Variants in STARD3 observed in about 807,000 individuals in gnomAD.
The protein encoded by STARD3 is stAR-related lipid transfer protein 3.
Under a neutral mutation model 62.0 loss-of-function variants are expected in STARD3, and 39 were observed. The ratio of observed to expected loss-of-function variants is 0.63; its 90% CI spans 0.49 to 0.82. The LOEUF (loss-of-function observed/expected upper bound fraction) is 0.82. STARD3 is among the 40% of genes least tolerant of loss of function. The probability of loss-of-function intolerance (pLI) is 0.00; values close to 1 mark genes in which losing one functional copy is unlikely to be tolerated. For synonymous variants in STARD3, 229 were observed against 242.4 expected, an observed-to-expected ratio of 0.94 and a Z score of 0.51; for missense variants, 543 against 584.5, an observed-to-expected ratio of 0.93 and a Z score of 0.73.
rs145033936 is a variant in STARD3, at chr17:39,651,586, C to T, written c.-51-1895C>T. 5.9e-5 allele frequency among the ~76,000 whole-genome samples: 9 copies of T among 151,992 alleles called. No individual in the cohort carries two copies. In the South Asian group the frequency reaches 6.2e-4, roughly 11 times the overall value. The stretch of plus-strand genomic sequence containing the variant: ...CTCTGACTTTCTTTTTTTTTTGAGA[C>T]GGAGTCTCGCTCTGTCACCCAGGCT... On this transcript the variant is annotated intron_variant, in intron 1 of 14. Coordinates refer to ENST00000336308, the MANE Select transcript of STARD3 (RefSeq NM_006804.4).
At chr17:39,638,368 C>A (rs1433380193) in intron 1 of STARD3, among the ~76,000 whole-genome samples, 4 of 152,170 alleles carry the variant, frequency 2.6e-5, no homozygotes, top group Non-Finnish European at 5.9e-5. Context: ...GTGCTGAACC[C>A]CTAGCACAAT....
At chr17:39,658,050 G>T in intron 5 of STARD3, 24 bp downstream of exon 5, 1 of 1,553,428 alleles carries the variant, frequency 6.4e-7, no homozygotes, top group Non-Finnish European at 8.7e-7. Context: ...GGTCTGGCCA[G>T]TCTGGTGGGC....
intron 5 of STARD3, 62 bp downstream of exon 5, chr17:39,658,088 G>C: frequency 6.6e-7 from 1 of 1,506,908 alleles, no homozygotes; most frequent in Admixed American, 2.0e-5. Context: ...TGCTTCTAGA[G>C]AGGAGCATTT....
chr17:39,651,330 G>GC (rs1463774557), intron 1 of STARD3, among the ~76,000 whole-genome samples: 1 of 152,242 alleles, frequency 6.6e-6, no homozygotes, highest in East Asian at 1.9e-4. Context: ...AGACTGAGGG[G>GC]CCCAGGAAGG....
Position 39,659,761 on chromosome 17 carries a change from C to T in STARD3, c.795+208C>T, listed in dbSNP as rs1028133752. ...CTTGGCCCCCCTTCCCCGCACCCCCCATGTTTACTTCCCTGCTGTTCTGCC... is the reference window on the plus strand; with the variant it reads ...CTTGGCCCCCCTTCCCCGCACCCCCTATGTTTACTTCCCTGCTGTTCTGCC... On this transcript the variant is annotated intron_variant, in intron 9 of 14. Coordinates refer to ENST00000336308, the MANE Select transcript of STARD3 (RefSeq NM_006804.4). The T allele has an allele frequency of 5.3e-6, 3 of 569,744 alleles. No homozygotes were observed. In the African/African-American group the frequency reaches 5.7e-5, roughly 11 times the overall value. The allele number at this position is 569,744 out of a possible 1,614,324, so 35.3% of individuals were successfully genotyped here.
At chr17:39,661,173 A>C (rs2057193925) in intron 13 of STARD3, 88 bp downstream of exon 13, 1 of 1,226,058 alleles carries the variant, frequency 8.2e-7, no homozygotes. Flanking sequence ...ACAGCTGGGC[A>C]CTTCCCCTGC....
At chr17:39,656,288 C>T (rs2144999667) in intron 2 of STARD3, among the ~76,000 whole-genome samples, 1 of 152,298 alleles carries the variant, frequency 6.6e-6, no homozygotes, top group Middle Eastern at 3.4e-3. Context: ...TCCAGGGTGG[C>T]TGGTGCCCCA....
chr17:39,657,898 G>A (rs2145016490), intron 4 of STARD3, 46 bp downstream of exon 4: 1 of 1,613,898 alleles, frequency 6.2e-7, no homozygotes, highest in Non-Finnish European at 8.5e-7. Flanking sequence ...GGCAGGGCTG[G>A]TGGAAGGGAT....
rs143167128 is a variant in STARD3 at position 39,662,279 on chromosome 17, G to A, written c.1168G>A (p.Val390Met). ...AGAGAATGGCCCTGGGGGCTTCATC[G>A]TGCTCAAGTCGGCCAGTAACCCCCG... ...RGENGPGGFIVLKSASNPRVC... is the reference protein window; with the variant it reads ...RGENGPGGFIMLKSASNPRVC... Residue 390 changes from valine to methionine, a missense_variant, in exon 14 of 15, where the codon GTG becomes ATG. Val to Met is a conservative substitution (Grantham distance 21). Coordinates refer to ENST00000336308, the MANE Select transcript of STARD3 (RefSeq NM_006804.4). The A allele has an allele frequency of 1.3e-5, 21 of 1,613,828 alleles. No homozygotes were observed. Among genetic ancestry groups the A allele is most frequent in the African/African-American group, 8.0e-5 (6 of 74,864 alleles).
In STARD3 at chr17:39,662,922, C is replaced by A; in HGVS notation, c.*14C>A. Reference sequence around the variant, plus strand: ...GCCCGGGCGTGACTGTGCCCCCTCCCACCCTGCGGGCCAGGGTCCTGTCGC... The same window carrying A: ...GCCCGGGCGTGACTGTGCCCCCTCCAACCCTGCGGGCCAGGGTCCTGTCGC... On this transcript the variant is annotated 3_prime_UTR_variant, in exon 15 of 15. Coordinates refer to ENST00000336308, the MANE Select transcript of STARD3 (RefSeq NM_006804.4). 1 of 1,604,338 alleles carries A rather than the reference C, an allele frequency of 6.2e-7. No individual in the cohort carries two copies. The highest frequency in any genetic ancestry group is 1.1e-5 in the South Asian group (1 of 90,002).
In STARD3 at chr17:39,663,246, G is replaced by T. The variant is rs1304853013; in HGVS notation, c.*338G>T. 5.0e-6 allele frequency: 2 copies of T among 402,312 alleles called. No individual in the cohort carries two copies. Among genetic ancestry groups the T allele is most frequent in the Non-Finnish European group, 8.7e-6 (2 of 228,974 alleles). 24.9% of individuals were successfully genotyped at this position (402,312 alleles called of 1,614,324 possible). A position where few individuals can be genotyped will look rare whatever the true frequency, so the allele number is the denominator to read the frequency against. ...GGGGAGGACCAGGGCCCTGGGCAGG[G>T]CAGGGCAGCCTGTCACCCGTGTGAA... On this transcript the variant is annotated 3_prime_UTR_variant, in exon 15 of 15. Coordinates refer to ENST00000336308, the MANE Select transcript of STARD3 (RefSeq NM_006804.4).
At position 39,660,987 on chromosome 17, in the gene STARD3, C is replaced by T. The variant is rs920341875; in HGVS notation, c.1041C>T (p.Phe347=). The change falls in exon 13 of 15, where the codon TTC becomes TTT. Residue 347 remains phenylalanine, a synonymous_variant. Coordinates refer to ENST00000336308, the MANE Select transcript of STARD3 (RefSeq NM_006804.4). The surrounding 1 kb of genome is among the most constrained non-coding windows in gnomAD (Gnocchi z 4.8). ...CTAACCCTCCCTCCCGCAGGGACTT[C>T]GTGAATGTCCGGCGCATTGAGCGGC... ...AAGGVVSPRD[F]VNVRRIERRR... The T allele has an allele frequency of 1.2e-5, 19 of 1,613,626 alleles. No homozygotes were observed. Among genetic ancestry groups the T allele is most frequent in the East Asian group, 8.9e-5 (4 of 44,890 alleles).
rs1847414291 is a variant in STARD3 at position 39,662,883 on chromosome 17, TC to T, written c.1314del (p.Ser439AlafsTer56). ...TTTGCCTTTCACCTGCGACAGCGCATCAGCGAGCTGGGGGCCCGGGCGTGAC... is the reference window on the plus strand; with the variant it reads ...TTTGCCTTTCACCTGCGACAGCGCATAGCGAGCTGGGGGCCCGGGCGTGAC... The part of the protein sequence containing the change: ...FEFAFHLRQR[I>X]SELGARA On this transcript the variant is annotated frameshift_variant, in exon 15 of 15. Coordinates refer to ENST00000336308, the MANE Select transcript of STARD3 (RefSeq NM_006804.4). LOFTEE classifies it high-confidence loss of function. 1 of 1,612,106 alleles carries T rather than the reference TC, an allele frequency of 6.2e-7. No individual in the cohort carries two copies. The highest frequency in any genetic ancestry group is 8.5e-7 in the Non-Finnish European group (1 of 1,179,398).
At chr17:39,650,075 G>A (rs1234972330) in intron 1 of STARD3, among the ~76,000 whole-genome samples, 3 of 152,128 alleles carry the variant, frequency 2.0e-5, no homozygotes, top group Admixed American at 6.5e-5. Context: ...ACTGTTAGGG[G>A]TTGAATCGTG....
rs114771196 is a variant in STARD3, at chr17:39,641,423, T to C, written c.-52+4192T>C. On this transcript the variant is annotated intron_variant, in intron 1 of 14. Transcript: ENST00000336308. Reference sequence around the variant, plus strand: ...TCGCGCCTGTGAACAGCCACTGCACTCCAGTCTGGCAACATAGTGAGACCT... The same window carrying C: ...TCGCGCCTGTGAACAGCCACTGCACCCCAGTCTGGCAACATAGTGAGACCT... Among the ~76,000 whole-genome samples, 906 of 151,706 alleles carry C rather than the reference T, an allele frequency of 6.0e-3. 9 individuals are homozygous for C. Among genetic ancestry groups the C allele is most frequent in the African/African-American group, 0.021 (857 of 41,326 alleles).
At chr17:39,657,219 A>G (rs2057139939) in intron 3 of STARD3, 134 bp downstream of exon 3, 9 of 860,760 alleles carry the variant, frequency 1.0e-5, no homozygotes, top group East Asian at 5.2e-5. Context: ...GGGAGCCATC[A>G]GTCATTAAAA....
chr17:39,659,744 C>G, intron 9 of STARD3, 191 bp downstream of exon 9: 1 of 594,290 alleles, frequency 1.7e-6, no homozygotes, highest in South Asian at 2.0e-5. Flanking sequence ...CCCTTGGCCC[C>G]CCTTCCCCGC....
intron 1 of STARD3, 77 bp downstream of exon 1, chr17:39,637,308 C>T (rs866918990): frequency 1.3e-5 from 2 of 152,322 alleles, no homozygotes; most frequent in African/African-American, 4.8e-5. Flanking sequence ...CTTCGCCGCC[C>T]GCTGTCCGTG....
Position 39,660,157 on chromosome 17 carries a change from C to A in STARD3, c.796-54C>A. On this transcript the variant is annotated intron_variant, in intron 9 of 14. Coordinates refer to ENST00000336308, the MANE Select transcript of STARD3 (RefSeq NM_006804.4). This position sits in a 1 kb window ranked among gnomAD's most constrained non-coding sequence, Gnocchi z 4.8. Reference sequence around the variant, plus strand: ...TGCCTGTCACCCATTTCTGTGCCACCAGCCCACCCCCTGCCTCCACTCTCC... The same window carrying A: ...TGCCTGTCACCCATTTCTGTGCCACAAGCCCACCCCCTGCCTCCACTCTCC... The A allele has an allele frequency of 6.3e-7, 1 of 1,597,894 alleles. No individual in the cohort carries two copies. The highest frequency in any genetic ancestry group is 8.6e-7 in the Non-Finnish European group (1 of 1,165,648).
Sources: allele counts gnomAD v4.1 joint callset (sites outside exome capture counted in the v4.1 genomes callset), GRCh38; gene constraint gnomAD v4.1.1; non-coding constraint Gnocchi (gnomAD v3.1); transcripts MANE v1.5; gene names NCBI Gene and HGNC (gene_info 2026-07-23, HGNC 2026-07-21).